The following GABRA2 variants were observed in gnomAD, a reference collection of about 807,000 sequenced individuals.
The protein encoded by GABRA2 is gamma-aminobutyric acid type A receptor subunit alpha2.
Under a neutral mutation model 48.7 loss-of-function variants are expected in GABRA2, and 16 were observed. The ratio of observed to expected loss-of-function variants is 0.33; its 90% CI spans 0.22 to 0.50. The LOEUF (loss-of-function observed/expected upper bound fraction) is 0.50, where lower values mean the gene tolerates loss of function less well. Among genes scored for constraint, GABRA2 ranks in the 20% least tolerant of loss-of-function variants. The pLI, the probability that GABRA2 is intolerant of heterozygous loss-of-function variation, is 0.98. For synonymous variants in GABRA2, 185 were observed against 184.5 expected (o/e 1.00, Z -0.02); for missense variants, 275 against 535.6 (o/e 0.51, Z 4.80).
Position 46,305,689 on chromosome 4 carries a change from G to C in GABRA2, c.582C>G (p.Val194=), listed in dbSNP as rs538933493. Residue 194 remains valine, a synonymous_variant, in exon 7 of 10, where the codon GTC becomes GTG. Transcript: ENST00000381620. ...ATGCATTGTAAGTCCAAATATAAGT[G>C]ACCTCTGAAGTTGTATATGCATCTA... ...FGSYAYTTSE[V]TYIWTYNASD... The C allele has an allele frequency of 3.1e-6, 5 of 1,612,040 alleles. No homozygotes were observed. In the African/African-American group the frequency reaches 6.7e-5, roughly 22 times the overall value.
intron 4 of GABRA2, among the ~76,000 whole-genome samples, chr4:46,328,268 C>T (rs1338792697): frequency 8.3e-6 from 1 of 120,412 alleles, no homozygotes; most frequent in Non-Finnish European, 1.7e-5. Flanking sequence ...TCCAAGATAG[C>T]AGAGTGTGTG....
At chr4:46,349,782 C>T (rs898310295) in intron 3 of GABRA2, among the ~76,000 whole-genome samples, 4 of 151,780 alleles carry the variant, frequency 2.6e-5, no homozygotes. Flanking sequence ...ATAAATTTAG[C>T]TTAAAGTAGT....
At chr4:46,268,069 AAAC>A (rs36123721) in intron 8 of GABRA2, among the ~76,000 whole-genome samples, 94,636 of 151,202 alleles carry the variant, frequency 0.63, 30,281 homozygotes, top group South Asian at 0.76. Flanking sequence ...ATATGACAGA[AAAC>A]AACAACAACA....
At chr4:46,343,420 A>G (rs1307961197) in intron 3 of GABRA2, among the ~76,000 whole-genome samples, 1 of 151,964 alleles carries the variant, frequency 6.6e-6, no homozygotes, top group Non-Finnish European at 1.5e-5. Flanking sequence ...AGTGATATAA[A>G]GAGGTGCATT....
At position 46,250,248 on chromosome 4, in the gene GABRA2, A is replaced by C. The variant is rs138310250; in HGVS notation, c.*60T>G. 1 of 1,416,022 alleles carries C rather than the reference A, an allele frequency of 7.1e-7. No individual in the cohort carries two copies. Among genetic ancestry groups the C allele is most frequent in the African/African-American group, 1.4e-5 (1 of 70,106 alleles). 87.7% of individuals were successfully genotyped at this position (1,416,022 alleles called of 1,614,324 possible). A position where few individuals can be genotyped will look rare whatever the true frequency, so the allele number is the denominator to read the frequency against. On this transcript the variant is annotated 3_prime_UTR_variant, in exon 10 of 10. Transcript: ENST00000381620. ...TTAGCAGTTATTAGTCAGACTGTAC[A>C]TAGCAAAACAAACCAAATTTAATGT...
At chr4:46,315,553 C>T (rs1728405732) in intron 4 of GABRA2, among the ~76,000 whole-genome samples, 2 of 151,906 alleles carry the variant, frequency 1.3e-5, no homozygotes, top group African/African-American at 2.4e-5. Flanking sequence ...AAGTTCTCCA[C>T]CTGCCTCAGT....
At chr4:46,362,110 A>G (rs1377695697) in intron 3 of GABRA2, among the ~76,000 whole-genome samples, 1 of 152,116 alleles carries the variant, frequency 6.6e-6, no homozygotes, top group Non-Finnish European at 1.5e-5. Context: ...ACTGTTGGGA[A>G]GGCATAATTG....
intron 8 of GABRA2, among the ~76,000 whole-genome samples, chr4:46,283,953 G>T (rs1302357199): frequency 6.6e-6 from 1 of 151,852 alleles, no homozygotes; most frequent in South Asian, 2.1e-4. Flanking sequence ...TAGAGAAGGG[G>T]TTTCACCGTG....
intron 8 of GABRA2, among the ~76,000 whole-genome samples, chr4:46,268,868 A>C (rs1718765398): frequency 1.3e-5 from 2 of 151,940 alleles, no homozygotes; most frequent in African/African-American, 4.8e-5. Flanking sequence ...CAAAAAAAGA[A>C]GAAATTCTGT....
At chr4:46,350,940 G>A (rs887781845) in intron 3 of GABRA2, among the ~76,000 whole-genome samples, 1 of 151,744 alleles carries the variant, frequency 6.6e-6, no homozygotes, top group African/African-American at 2.4e-5. Flanking sequence ...GGGGAGGGGA[G>A]GCACATGATT....
At chr4:46,260,268 C>T (rs1009083584) in intron 9 of GABRA2, among the ~76,000 whole-genome samples, 3 of 151,814 alleles carry the variant, frequency 2.0e-5, no homozygotes, top group Non-Finnish European at 4.4e-5. Context: ...ACATAAACAA[C>T]GTTAATTCTT....
At chr4:46,331,163 GC>G (rs1233777772) in intron 4 of GABRA2, among the ~76,000 whole-genome samples, 18 of 152,142 alleles carry the variant, frequency 1.2e-4, no homozygotes, top group Admixed American at 1.2e-3. Flanking sequence ...CCAGAATTGT[GC>G]CTAAGACCCA....
At chr4:46,385,984 C>G (rs1717396315) in intron 3 of GABRA2, 90 bp downstream of exon 3, 3 of 718,830 alleles carry the variant, frequency 4.2e-6, no homozygotes, top group African/African-American at 1.8e-5. Flanking sequence ...GTGATGCATT[C>G]ATATATAAAA....
At chr4:46,364,210 T>A (rs1458273356) in intron 3 of GABRA2, 1 of 152,208 alleles carries the variant, frequency 6.6e-6, no homozygotes, top group Non-Finnish European at 1.5e-5. Context: ...AACTTATATG[T>A]GCTTCGATAT....
In GABRA2 at chr4:46,388,642, G is replaced by A. The variant is rs1560618460; in HGVS notation, c.65C>T (p.Pro22Leu). 6.2e-7 allele frequency: 1 copy of A among 1,613,922 alleles called. No individual in the cohort carries two copies. Among genetic ancestry groups the A allele is most frequent in the East Asian group, 2.2e-5 (1 of 44,846 alleles). ...AATACAATAAATATCTCACCTGGCA[G>A]GGTCCCACACCAAGAAAACAAAAAG... The part of the protein sequence containing the change: ...FLLFVFLVWD[P>L]ARLVLANIQE... Residue 22 changes from proline to leucine, a missense_variant, in exon 2 of 10, where the codon CCT (proline) becomes CTT (leucine). Pro to Leu is a moderately conservative substitution (Grantham distance 98, BLOSUM62 -3). Transcript: ENST00000381620.
chr4:46,255,930 G>C (rs1715716769), intron 9 of GABRA2, among the ~76,000 whole-genome samples: 1 of 151,484 alleles, frequency 6.6e-6, no homozygotes, highest in South Asian at 2.1e-4. Flanking sequence ...TACATGGTTT[G>C]GAGTCAGAAA....
At chr4:46,310,131 A>AT in intron 6 of GABRA2, 42 bp downstream of exon 6, 1 of 1,450,610 alleles carries the variant, frequency 6.9e-7, no homozygotes, top group South Asian at 1.2e-5. Flanking sequence ...ACTTTCCCTG[A>AT]TATTATTGAC....
At chr4:46,320,604 G>A (rs1729288902) in intron 4 of GABRA2, among the ~76,000 whole-genome samples, 1 of 151,712 alleles carries the variant, frequency 6.6e-6, no homozygotes, top group African/African-American at 2.4e-5. Context: ...AATCTGAATC[G>A]ACAGTTCTCC....
At chr4:46,374,120 C>T (rs897353223) in intron 3 of GABRA2, among the ~76,000 whole-genome samples, 11 of 152,188 alleles carry the variant, frequency 7.2e-5, no homozygotes, top group African/African-American at 2.6e-4. Context: ...CTGACTATTG[C>T]TAACTTACTG....
Sources: allele counts gnomAD v4.1 joint callset (sites outside exome capture counted in the v4.1 genomes callset), GRCh38; gene constraint gnomAD v4.1.1; transcripts MANE v1.5; gene names NCBI Gene and HGNC (gene_info 2026-07-23, HGNC 2026-07-21).